XXYLT1: variants seen among roughly 807,000 people sequenced by gnomAD.
XXYLT1 encodes the protein xyloside xylosyltransferase 1.
In XXYLT1, 20 loss-of-function variants were observed where a neutral mutation model predicts 28.9. The observed-to-expected ratio is 0.69, with a 90% CI of 0.49 to 1.00. The LOEUF is 1.00. Ranked by LOEUF, XXYLT1 falls within the 50% of genes least tolerant of loss-of-function variation. XXYLT1 has a pLI of 0.00. For synonymous variants in XXYLT1, 257 were observed against 253.8 expected, an observed-to-expected ratio of 1.01 and a Z score of -0.12; for missense variants, 542 against 560.1, an observed-to-expected ratio of 0.97 and a Z score of 0.33.
Position 195,124,809 on chromosome 3 carries a change from T to C in XXYLT1, c.785+31640A>G, listed in dbSNP as rs933536085. Among the ~76,000 whole-genome samples, 1 of 152,060 alleles carries C rather than the reference T, an allele frequency of 6.6e-6. No individual in the cohort carries two copies. Among genetic ancestry groups the C allele is most frequent in the African/African-American group, 2.4e-5 (1 of 41,360 alleles). On this transcript the variant is annotated intron_variant, in intron 3 of 3. Transcript: ENST00000310380. This position sits in a 1 kb window ranked among gnomAD's most constrained non-coding sequence, Gnocchi z 4.1. ...CAACTCCCACTAGAGCCAAGCAGCG[T>C]ACGGACAGGGGCTGGCTCCGGGAAG...
chr3:195,245,241 A>G (rs1191672356), intron 1 of XXYLT1, among the ~76,000 whole-genome samples: 1 of 147,376 alleles, frequency 6.8e-6, no homozygotes, highest in Non-Finnish European at 1.5e-5. Context: ...GCTCACTGCA[A>G]TCTCTGCCTC....
intron 2 of XXYLT1, among the ~76,000 whole-genome samples, chr3:195,166,042 G>T (rs1721102861): frequency 6.6e-6 from 1 of 152,162 alleles, no homozygotes; most frequent in East Asian, 1.9e-4. Flanking sequence ...GACACAGGAA[G>T]GTGGGGAAGT....
intron 3 of XXYLT1, among the ~76,000 whole-genome samples, chr3:195,113,738 A>G (rs946564166): frequency 6.6e-6 from 1 of 152,202 alleles, no homozygotes; most frequent in East Asian, 1.9e-4. Flanking sequence ...CAGCACCCAC[A>G]GGACCAGGCA....
At chr3:195,261,992 A>G (rs1725712541) in intron 1 of XXYLT1, among the ~76,000 whole-genome samples, 1 of 152,266 alleles carries the variant, frequency 6.6e-6, no homozygotes, top group African/African-American at 2.4e-5. Context: ...TTCCACTGCT[A>G]GGTTATACCC....
intron 1 of XXYLT1, among the ~76,000 whole-genome samples, chr3:195,250,263 C>T (rs1472138320): frequency 6.6e-6 from 1 of 152,176 alleles, no homozygotes; most frequent in Admixed American, 6.5e-5. Flanking sequence ...CCTGCCCATC[C>T]AATTAAAAAC....
chr3:195,228,468 C>T lies in XXYLT1; in HGVS notation c.505-1612G>A, dbSNP rs114939191. Among the ~76,000 whole-genome samples, 635 of 147,850 alleles carry T rather than the reference C, an allele frequency of 4.3e-3. 5 individuals carry two copies. The highest frequency in any genetic ancestry group is 0.014 in the African/African-American group (578 of 40,170). On this transcript the variant is annotated intron_variant, in intron 1 of 3. Transcript: ENST00000310380. ...CTGCTCTTCCCTACTGTTGGTTCTG[C>T]TTTTGGCCTATATTTCACTTTTTTT...
intron 1 of XXYLT1, among the ~76,000 whole-genome samples, chr3:195,265,039 G>A (rs775477273): frequency 5.3e-5 from 8 of 151,514 alleles, no homozygotes; most frequent in Admixed American, 3.3e-4. Flanking sequence ...TCTAGCCTGC[G>A]CGGCAGACAG....
intron 3 of XXYLT1, chr3:195,148,114 CG>C (rs1185410693): frequency 6.6e-6 from 1 of 152,194 alleles, no homozygotes; most frequent in Non-Finnish European, 1.5e-5. Context: ...AGGTAAGAGA[CG>C]GTCACAATGA....
At chr3:195,074,197 A>G (rs1054639455) in intron 3 of XXYLT1, among the ~76,000 whole-genome samples, 5 of 152,022 alleles carry the variant, frequency 3.3e-5, no homozygotes, top group Non-Finnish European at 7.4e-5. Context: ...TCTGCACAAG[A>G]CTCTGCAGGA....
chr3:195,108,955 T>C (rs1717302226), intron 3 of XXYLT1, among the ~76,000 whole-genome samples: 2 of 152,210 alleles, frequency 1.3e-5, no homozygotes, highest in Admixed American at 6.5e-5. Context: ...GCTATTATCT[T>C]GTGAGGTAAG....
chr3:195,131,053 C>T (rs978801789), intron 3 of XXYLT1, among the ~76,000 whole-genome samples: 1 of 150,978 alleles, frequency 6.6e-6, no homozygotes, highest in African/African-American at 2.5e-5. Context: ...ATGTATCCCT[C>T]GTGCCCTCTA....
intron 3 of XXYLT1, among the ~76,000 whole-genome samples, chr3:195,116,526 G>C (rs1356612046): frequency 2.0e-5 from 3 of 152,152 alleles, no homozygotes; most frequent in Non-Finnish European, 4.4e-5. Flanking sequence ...TCAGCAAGAA[G>C]GGAGGGAACT....
chr3:195,195,854 A>G lies in XXYLT1; in HGVS notation c.652+30855T>C, dbSNP rs143692988. Among the ~76,000 whole-genome samples the G allele has an allele frequency of 1.8e-3, 276 of 152,302 alleles. 2 individuals carry two copies. The highest frequency in any genetic ancestry group is 1.6e-3 in the Non-Finnish European group (111 of 68,014). ...TCTAGACACAGTCCTGTTGCATTGA[A>G]GTATCCAATGAGCTCCAGTGAGCCT... On this transcript the variant is annotated intron_variant, in intron 2 of 3. Transcript: ENST00000310380. This position sits in a 1 kb window ranked among gnomAD's most constrained non-coding sequence, Gnocchi z 4.4.
chr3:195,126,764 C>T (rs1718654768), intron 3 of XXYLT1, among the ~76,000 whole-genome samples: 1 of 152,210 alleles, frequency 6.6e-6, no homozygotes. Flanking sequence ...CATTGCCACC[C>T]CATCTGCCAG....
intron 3 of XXYLT1, among the ~76,000 whole-genome samples, chr3:195,143,837 G>GATAT (rs1491130099): frequency 5.4e-4 from 38 of 70,410 alleles, no homozygotes; most frequent in African/African-American, 1.1e-3. Flanking sequence ...TATAGATATA[G>GATAT]ATATAGATAT....
rs556758011 is a variant in XXYLT1 at position 195,072,481 on chromosome 3, TG to T, written c.786-2371del. ...CACTGAGCTCGCTGGGCTCAGGAGA[TG>T]GGGGCCGCAGGCAGAGAGAAGAGGA... is the stretch of plus-strand genomic sequence containing the variant. On this transcript the variant is annotated intron_variant, in intron 3 of 3. Coordinates refer to ENST00000310380, the MANE Select transcript of XXYLT1 (RefSeq NM_152531.5). Among the ~76,000 whole-genome samples, 456 of 152,078 alleles carry T rather than the reference TG, an allele frequency of 3.0e-3. 2 individuals are homozygous for T. Among genetic ancestry groups the T allele is most frequent in the African/African-American group, 9.3e-3 (386 of 41,490 alleles).
At chr3:195,113,704 C>T (rs896815311) in intron 3 of XXYLT1, among the ~76,000 whole-genome samples, 4 of 152,126 alleles carry the variant, frequency 2.6e-5, no homozygotes, top group Non-Finnish European at 2.9e-5. Flanking sequence ...CTGGGAATGC[C>T]GAGCTTGGCT....
At chr3:195,138,290 C>T (rs556428003) in intron 3 of XXYLT1, among the ~76,000 whole-genome samples, 2 of 152,340 alleles carry the variant, frequency 1.3e-5, no homozygotes, top group South Asian at 4.1e-4. Flanking sequence ...GAGCTGGACA[C>T]TGGCTGGAGG....
At chr3:195,237,514 T>C (rs149736228) in intron 1 of XXYLT1, among the ~76,000 whole-genome samples, 3,272 of 152,084 alleles carry the variant, frequency 0.022, 43 homozygotes, top group Middle Eastern at 0.054. Context: ...CCAGGTACTG[T>C]GATCGCTCAC....
Sources: allele counts gnomAD v4.1 joint callset (sites outside exome capture counted in the v4.1 genomes callset), GRCh38; gene constraint gnomAD v4.1.1; non-coding constraint Gnocchi (gnomAD v3.1); transcripts MANE v1.5; gene names NCBI Gene and HGNC (gene_info 2026-07-23, HGNC 2026-07-21).